The following GABPB1 variants were observed in gnomAD, a reference collection of about 807,000 sequenced individuals.
GABPB1 encodes the protein GA binding protein transcription factor subunit beta 1.
GABPB1 carries 15 observed loss-of-function variants against 45.9 expected under a neutral mutation model. The observed-to-expected ratio is 0.33, with a 90% CI of 0.22 to 0.50. GABPB1 has a LOEUF of 0.50. Among genes scored for constraint, GABPB1 ranks in the 20% least tolerant of loss-of-function variants. The probability of loss-of-function intolerance (pLI) is 0.98; values close to 1 mark genes in which losing one functional copy is unlikely to be tolerated. For synonymous variants in GABPB1, 143 were observed against 154.4 expected, an observed-to-expected ratio of 0.93 and a Z score of 0.55; for missense variants, 252 against 457.5, an observed-to-expected ratio of 0.55 and a Z score of 4.10.
chr15:50,300,985 C>A (rs2046721660), intron 5 of GABPB1, 83 bp from the exon 6 acceptor site: 2 of 915,072 alleles, frequency 2.2e-6, no homozygotes, highest in Admixed American at 4.2e-5. Context: ...ATCTTACTGA[C>A]TCTTAAACAA....
intron 2 of GABPB1, 58 bp from the exon 3 acceptor site, chr15:50,304,191 T>A (rs1392811414): frequency 7.1e-7 from 1 of 1,403,036 alleles, no homozygotes; most frequent in Non-Finnish European, 9.5e-7. Flanking sequence ...ACACTTCTGT[T>A]TATATAGTAA....
In GABPB1 at chr15:50,346,879, C is replaced by A. The variant is rs184967078; in HGVS notation, c.-1+8106G>T. Reference sequence around the variant, plus strand: ...CTCGGCTCACTGCAACCTCCGCCCCCCCCAGGTTCAAGCGATTCTCCTGCC... The same window carrying A: ...CTCGGCTCACTGCAACCTCCGCCCCACCCAGGTTCAAGCGATTCTCCTGCC... On this transcript the variant is annotated intron_variant, in intron 1 of 8. Coordinates refer to ENST00000380877, the MANE Select transcript of GABPB1 (RefSeq NM_016654.5). Among the ~76,000 whole-genome samples, 77 of 151,640 alleles carry A rather than the reference C, an allele frequency of 5.1e-4. No individual in the cohort carries two copies. The South Asian group carries it at 5.9e-3, about 12-fold the overall frequency.
At chr15:50,342,600 C>T (rs2048416918) in intron 1 of GABPB1, among the ~76,000 whole-genome samples, 1 of 152,128 alleles carries the variant, frequency 6.6e-6, no homozygotes, top group Non-Finnish European at 1.5e-5. Context: ...GTATAGACAC[C>T]ATAGATCAGT....
intron 6 of GABPB1, among the ~76,000 whole-genome samples, chr15:50,298,474 C>T (rs1383874320): frequency 1.3e-5 from 2 of 152,202 alleles, no homozygotes; most frequent in Non-Finnish European, 2.9e-5. Flanking sequence ...TGCTATGCTT[C>T]TGCAATTACA....
chr15:50,334,229 G>T (rs1333399796), intron 1 of GABPB1, among the ~76,000 whole-genome samples: 2 of 151,832 alleles, frequency 1.3e-5, no homozygotes, highest in East Asian at 3.9e-4. Flanking sequence ...ATCTTTCCTT[G>T]GTTCTGGAAA....
At chr15:50,292,677 T>C (rs1373465866) in intron 6 of GABPB1, among the ~76,000 whole-genome samples, 1 of 152,184 alleles carries the variant, frequency 6.6e-6, no homozygotes, top group Non-Finnish European at 1.5e-5. Context: ...ATGGACCATA[T>C]GTCAGATAAT....
chr15:50,294,530 TA>T (rs2046448902), intron 6 of GABPB1, among the ~76,000 whole-genome samples: 1 of 45,026 alleles, frequency 2.2e-5, no homozygotes, highest in Non-Finnish European at 7.7e-5. Flanking sequence ...AATAAATAAA[TA>T]AAATAAAATG....
intron 6 of GABPB1, among the ~76,000 whole-genome samples, chr15:50,295,634 C>G (rs571041879): frequency 6.7e-6 from 1 of 148,496 alleles, no homozygotes; most frequent in East Asian, 2.0e-4. Flanking sequence ...AAAAAAAAAG[C>G]TTTCACTTTT....
rs780916288 is a variant in GABPB1, at chr15:50,289,495, C to G, written c.871G>C (p.Asp291His). 2.5e-6 allele frequency: 4 copies of G among 1,605,846 alleles called. No homozygotes were observed. In the East Asian group the frequency reaches 6.7e-5, roughly 27 times the overall value. ...IGQPIIVTMP[D>H]GQQVLTVPAT... ...GTCTACTACTAACCTTGTTGTCCAT[C>G]TGGCATGGTCACAATGATGGGCTGA... Residue 291 changes from aspartate to histidine, a missense_variant, in exon 7 of 9, where the codon GAT (aspartate) becomes CAT (histidine). By Grantham distance (81) the Asp-to-His change is moderately conservative. Coordinates refer to ENST00000380877, the MANE Select transcript of GABPB1 (RefSeq NM_016654.5).
chr15:50,304,480 G>T (rs1000236927), intron 2 of GABPB1, among the ~76,000 whole-genome samples: 1 of 152,208 alleles, frequency 6.6e-6, no homozygotes, highest in African/African-American at 2.4e-5. Flanking sequence ...GGAAGCCAAG[G>T]CGGGTGGATC....
At chr15:50,333,911 T>C (rs527793325) in intron 1 of GABPB1, among the ~76,000 whole-genome samples, 2 of 151,958 alleles carry the variant, frequency 1.3e-5, no homozygotes, top group Admixed American at 1.3e-4. Context: ...GCACCTGTAA[T>C]CTCAGCTATT....
intron 1 of GABPB1, among the ~76,000 whole-genome samples, chr15:50,311,305 C>A (rs2047123759): frequency 6.6e-6 from 1 of 151,902 alleles, no homozygotes; most frequent in East Asian, 1.9e-4. Context: ...AATTTTAGGC[C>A]CATGGGGAAG....
At chr15:50,321,866 C>T (rs930532035) in intron 1 of GABPB1, among the ~76,000 whole-genome samples, 1 of 151,832 alleles carries the variant, frequency 6.6e-6, no homozygotes, top group African/African-American at 2.4e-5. Flanking sequence ...TAATAGAATG[C>T]TTACTGAATT....
At chr15:50,341,010 T>TTATTACCATATGTAA (rs1357114010) in intron 1 of GABPB1, among the ~76,000 whole-genome samples, 1 of 131,738 alleles carries the variant, frequency 7.6e-6, no homozygotes, top group African/African-American at 3.0e-5. Flanking sequence ...TACATATGGT[T>TTATTACCATATGTAA]TATTACATAT....
intron 1 of GABPB1, among the ~76,000 whole-genome samples, chr15:50,340,605 TCTTG>T (rs1334505191): frequency 1.3e-5 from 2 of 151,858 alleles, no homozygotes; most frequent in Admixed American, 6.6e-5. Flanking sequence ...CACTTGCTTT[TCTTG>T]CTTAACACAT....
At chr15:50,341,469 G>T (rs1277678235) in intron 1 of GABPB1, among the ~76,000 whole-genome samples, 1 of 151,980 alleles carries the variant, frequency 6.6e-6, no homozygotes, top group East Asian at 1.9e-4. Flanking sequence ...GGAGGTGAAG[G>T]TTGCAGTGAG....
At position 50,275,553 on chromosome 15, in the gene GABPB1, T is replaced by C. The variant is rs1452192874; in HGVS notation, c.*3079A>G. On this transcript the variant is annotated 3_prime_UTR_variant, in exon 9 of 9. Coordinates refer to ENST00000380877, the MANE Select transcript of GABPB1 (RefSeq NM_016654.5). ...AGTCAAACAATCATAAATCAAAGCATCATAAATTGGGGACCATCTGTGTAG... is the reference window on the plus strand; with the variant it reads ...AGTCAAACAATCATAAATCAAAGCACCATAAATTGGGGACCATCTGTGTAG... The C allele has an allele frequency of 6.6e-6, 1 of 152,190 alleles. No individual in the cohort carries two copies. Among genetic ancestry groups the C allele is most frequent in the Non-Finnish European group, 1.5e-5 (1 of 68,022 alleles). 9.4% of individuals were successfully genotyped at this position (152,190 alleles called of 1,614,324 possible).
intron 1 of GABPB1, chr15:50,314,747 T>C (rs2047256163): frequency 6.6e-6 from 1 of 152,258 alleles, no homozygotes; most frequent in South Asian, 2.1e-4. Flanking sequence ...GGCTGGAATA[T>C]AACATGTAAA....
intron 6 of GABPB1, among the ~76,000 whole-genome samples, chr15:50,298,825 G>A (rs2141013972): frequency 6.6e-6 from 1 of 152,106 alleles, no homozygotes; most frequent in East Asian, 1.9e-4. Flanking sequence ...GGTGGTGCAT[G>A]CCTGTAATCC....
Sources: gnomAD v4.1 joint callset for allele counts (sites outside exome capture counted in the v4.1 genomes callset) on GRCh38, gnomAD v4.1.1 for gene constraint, MANE v1.5 for transcripts, NCBI Gene and HGNC (gene_info 2026-07-23, HGNC 2026-07-21) for gene names.